The following GPAA1 variants were observed in gnomAD, a reference collection of about 807,000 sequenced individuals.
GPAA1 encodes the protein GPI-anchor transamidase component GPAA1.
GPAA1 carries 54 observed loss-of-function variants against 64.0 expected under a neutral mutation model. The ratio of observed to expected loss-of-function variants is 0.84; its 90% CI spans 0.68 to 1.06. The LOEUF (loss-of-function observed/expected upper bound fraction) is 1.06, where lower values mean the gene tolerates loss of function less well. Among genes scored for constraint, GPAA1 ranks in the 50% least tolerant of loss-of-function variants. The pLI is 0.00. For missense variants in GPAA1, 780 were observed against 822.3 expected (o/e 0.95, Z 0.63); for synonymous variants, 393 against 377.3 (o/e 1.04, Z -0.48).
In GPAA1 at chr8:144,084,208, G is replaced by A; in HGVS notation, c.691G>A (p.Val231Met). 1.2e-6 allele frequency: 2 copies of A among 1,613,702 alleles called. No individual in the cohort carries two copies. Among genetic ancestry groups the A allele is most frequent in the South Asian group, 1.1e-5 (1 of 91,088 alleles). ...AAVALELSSDVVTSLDVAVEG... is the reference protein window; with the variant it reads ...AAVALELSSDMVTSLDVAVEG... ...CGTGGCCCTGGAGCTGAGCAGTGATGTGGTCACCAGCCTCGATGTGGCCGT... is the reference window on the plus strand; with the variant it reads ...CGTGGCCCTGGAGCTGAGCAGTGATATGGTCACCAGCCTCGATGTGGCCGT... Residue 231 changes from valine (V) to methionine (M), a missense_variant, in exon 6 of 12, where the codon GTG (valine) becomes ATG (methionine). Coordinates refer to ENST00000355091, the MANE Select transcript of GPAA1 (RefSeq NM_003801.4).
At position 144,084,846 on chromosome 8, in the gene GPAA1, G is replaced by T; in HGVS notation, c.1135G>T (p.Gly379Cys). The change falls in exon 8 of 12, where the codon GGC becomes TGC. Residue 379 changes from glycine (G) to cysteine (C), a missense_variant. Transcript: ENST00000355091. ...VSIGLYMPAV[G>C]FLLLVLGLKA... ...CATCGGCCTCTACATGCCCGCTGTC[G>T]GCTTCTTGCTCCTGGTCCTTGGTCT... The T allele has an allele frequency of 6.2e-7, 1 of 1,613,532 alleles. No individual in the cohort carries two copies. The highest frequency in any genetic ancestry group is 1.3e-5 in the African/African-American group (1 of 75,016).
intron 4 of GPAA1, 33 bp from the exon 5 acceptor site, chr8:144,083,906 C>G: frequency 3.1e-6 from 5 of 1,612,524 alleles, no homozygotes; most frequent in Non-Finnish European, 4.2e-6. Context: ...GGTCAGTGCC[C>G]CAGACCCTGC....
At position 144,083,149 on chromosome 8, in the gene GPAA1, G is replaced by T. The variant is rs1554763755; in HGVS notation, c.100G>T (p.Ala34Ser). 6.2e-7 allele frequency: 1 copy of T among 1,612,376 alleles called. No individual in the cohort carries two copies. The highest frequency in any genetic ancestry group is 1.1e-5 in the South Asian group (1 of 91,040). The change falls in exon 2 of 12, where the codon GCC (alanine) becomes TCC (serine). Residue 34 changes from alanine (A) to serine (S), a missense_variant. Transcript: ENST00000355091. Reference sequence around the variant, plus strand: ...CGTGCTGAGCTACGTGGCGGGCATCGCCTGGTTCTTGGCGCTGGTTTTCCC... The same window carrying T: ...CGTGCTGAGCTACGTGGCGGGCATCTCCTGGTTCTTGGCGCTGGTTTTCCC... ...LCVLSYVAGI[A>S]WFLALVFPPL...
In GPAA1 at chr8:144,084,030, C is replaced by G. The variant is rs1554763953; in HGVS notation, c.606C>G (p.Val202=). Residue 202 remains valine, a synonymous_variant, in exon 5 of 12, where the codon GTC becomes GTG. Coordinates refer to ENST00000355091, the MANE Select transcript of GPAA1 (RefSeq NM_003801.4). The part of the protein sequence containing the change: ...TEAWLEAYHD[V]NVTGMQSSPL... ...CTTGGCTTGAAGCCTACCACGATGT[C>G]AATGTCACTGGTAGGTTCTCTTGTC... The G allele has an allele frequency of 6.2e-7, 1 of 1,612,336 alleles. No individual in the cohort carries two copies.
rs782016074 is a variant in GPAA1 at position 144,084,183 on chromosome 8, C to T, written c.666C>T (p.Ala222=). 9.9e-6 allele frequency: 16 copies of T among 1,613,166 alleles called. No individual in the cohort carries two copies. The highest frequency in any genetic ancestry group is 5.3e-5 in the African/African-American group (4 of 74,786). The change falls in exon 6 of 12, where the codon GCC becomes GCT. Residue 222 remains alanine, a synonymous_variant. Coordinates refer to ENST00000355091, the MANE Select transcript of GPAA1 (RefSeq NM_003801.4). ...GCCGAGCTGGGGCCATTCAGGCAGC[C>T]GTGGCCCTGGAGCTGAGCAGTGATG... The part of the protein sequence containing the change: ...LQGRAGAIQA[A]VALELSSDVV...
At position 144,084,965 on chromosome 8, in the gene GPAA1, G is replaced by A. The variant is rs1554764137; in HGVS notation, c.1165-78G>A. The A allele has an allele frequency of 9.6e-6, 15 of 1,561,082 alleles. No homozygotes were observed. The South Asian group carries it at 1.6e-4, about 17-fold the overall frequency. ...AGAGTCTTCCATCCTGATGGGGGGT[G>A]GGGTACGGGGGTGAGCCCTGGGTCC... On this transcript the variant is annotated intron_variant, in intron 8 of 11. Transcript: ENST00000355091.
Position 144,085,917 on chromosome 8 carries a change from C to T in GPAA1, c.1658C>T (p.Pro553Leu), listed in dbSNP as rs372282426. 5.1e-5 allele frequency: 82 copies of T among 1,609,218 alleles called. No homozygotes were observed. The highest frequency in any genetic ancestry group is 6.4e-5 in the Non-Finnish European group (75 of 1,179,036). ...LYAALLVLTS[P>L]AATLLGSLFL... Reference sequence around the variant, plus strand: ...GCTGCCCTGCTGGTGCTGACCAGCCCGGCAGCCACGCTCCTTGGCAGCCTG... The same window carrying T: ...GCTGCCCTGCTGGTGCTGACCAGCCTGGCAGCCACGCTCCTTGGCAGCCTG... The change falls in exon 12 of 12, where the codon CCG (proline) becomes CTG (leucine). Residue 553 changes from proline (P) to leucine (L), a missense_variant. Transcript: ENST00000355091.
At chr8:144,085,008 G>A (rs782261568) in intron 8 of GPAA1, 35 bp from the exon 9 acceptor site, 8 of 1,581,014 alleles carry the variant, frequency 5.1e-6, no homozygotes, top group African/African-American at 2.7e-5. Context: ...GGCAGATCCC[G>A]TTACACCTCT....
rs781830698 is a variant in GPAA1, at chr8:144,084,828, C to G, written c.1117C>G (p.Leu373Val). 1 of 1,613,754 alleles carries G rather than the reference C, an allele frequency of 6.2e-7. No homozygotes were observed. The highest frequency in any genetic ancestry group is 1.1e-5 in the South Asian group (1 of 91,088). The change falls in exon 8 of 12, where the codon CTC (leucine) becomes GTC (valine). Residue 373 changes from leucine to valine, a missense_variant. Leu to Val is a conservative substitution (Grantham distance 32). Coordinates refer to ENST00000355091, the MANE Select transcript of GPAA1 (RefSeq NM_003801.4). ...PGLSRFVSIG[L>V]YMPAVGFLLL... Reference sequence around the variant, plus strand: ...CCTCTCCCGCTTCGTCTCCATCGGCCTCTACATGCCCGCTGTCGGCTTCTT... The same window carrying G: ...CCTCTCCCGCTTCGTCTCCATCGGCGTCTACATGCCCGCTGTCGGCTTCTT...
In GPAA1 at chr8:144,084,301, G is replaced by A. The variant is rs1208036073; in HGVS notation, c.784G>A (p.Gly262Arg). The change falls in exon 6 of 12, where the codon GGG (glycine) becomes AGG (arginine). Residue 262 changes from glycine to arginine, a missense_variant. Coordinates refer to ENST00000355091, the MANE Select transcript of GPAA1 (RefSeq NM_003801.4). ...LNLFQTFCQK[G>R]GLLCTLQGKL... ...TCTCTTCCAGACCTTCTGCCAGAAA[G>A]GGGGCCTGTTGTGCACGCTTCAGGG... 7 of 1,613,694 alleles carry A rather than the reference G, an allele frequency of 4.3e-6. No individual in the cohort carries two copies. Among genetic ancestry groups the A allele is most frequent in the Non-Finnish European group, 5.9e-6 (7 of 1,180,018 alleles).
chr8:144,084,949 C>A, intron 8 of GPAA1, 74 bp downstream of exon 8: 1 of 1,580,968 alleles, frequency 6.3e-7, no homozygotes, highest in Non-Finnish European at 8.7e-7. Flanking sequence ...GAGAGTCTTC[C>A]ATCCTGATGG....
In GPAA1 at chr8:144,084,622, T is replaced by C; in HGVS notation, c.1010+13T>C. On this transcript the variant is annotated intron_variant, in intron 7 of 11. Coordinates refer to ENST00000355091, the MANE Select transcript of GPAA1 (RefSeq NM_003801.4). Reference sequence around the variant, plus strand: ...TGGCAGTGGGCAAGTAAGTAGTCTCTGGTCCCCCCTTTCCATGCCCAGGAT... The same window carrying C: ...TGGCAGTGGGCAAGTAAGTAGTCTCCGGTCCCCCCTTTCCATGCCCAGGAT... 1 of 1,608,232 alleles carries C rather than the reference T, an allele frequency of 6.2e-7. No individual in the cohort carries two copies. Among genetic ancestry groups the C allele is most frequent in the Non-Finnish European group, 8.5e-7 (1 of 1,175,456 alleles).
chr8:144,085,462 G>C lies in GPAA1; in HGVS notation c.1434G>C (p.Leu478=). Residue 478 remains leucine (L), a synonymous_variant, in exon 10 of 12, where the codon CTG becomes CTC. Coordinates refer to ENST00000355091, the MANE Select transcript of GPAA1 (RefSeq NM_003801.4). ...LLAIYAAGLA[L]PHNTHRVVST... ...CGATTTATGCAGCTGGCCTGGCCCT[G>C]CCCCACAATACCCACCGGTAAGAGG... 1 of 1,603,924 alleles carries C rather than the reference G, an allele frequency of 6.2e-7. No individual in the cohort carries two copies. Among genetic ancestry groups the C allele is most frequent in the Non-Finnish European group, 8.5e-7 (1 of 1,179,892 alleles).
chr8:144,085,193 T>C (rs1835977110), intron 9 of GPAA1, 55 bp downstream of exon 9: 5 of 1,460,950 alleles, frequency 3.4e-6, no homozygotes, highest in Admixed American at 2.0e-5. Context: ...GACTGGTGTT[T>C]AGTGTTGCAA....
At chr8:144,082,884 G>A in intron 1 of GPAA1, 80 bp downstream of exon 1, 2 of 1,163,116 alleles carry the variant, frequency 1.7e-6, no homozygotes, top group Non-Finnish European at 2.3e-6. Flanking sequence ...CCCCATCGAG[G>A]GCCGGGGCCG....
In GPAA1 at chr8:144,083,159, TG is replaced by T; in HGVS notation, c.112del (p.Ala38ArgfsTer7). 6.2e-7 allele frequency: 1 copy of T among 1,612,634 alleles called. No homozygotes were observed. The highest frequency in any genetic ancestry group is 1.1e-5 in the South Asian group (1 of 91,052). On this transcript the variant is annotated frameshift_variant, in exon 2 of 12. Coordinates refer to ENST00000355091, the MANE Select transcript of GPAA1 (RefSeq NM_003801.4). LOFTEE classifies it high-confidence loss of function. ...TACGTGGCGGGCATCGCCTGGTTCTTGGCGCTGGTTTTCCCGCCGCTGACCC... is the reference window on the plus strand; with the variant it reads ...TACGTGGCGGGCATCGCCTGGTTCTTGCGCTGGTTTTCCCGCCGCTGACCC... ...LSYVAGIAWF[L>X]ALVFPPLTQR...
intron 6 of GPAA1, 32 bp from the exon 7 acceptor site, chr8:144,084,381 G>A: frequency 6.2e-7 from 1 of 1,610,440 alleles, no homozygotes; most frequent in Non-Finnish European, 8.5e-7. Flanking sequence ...TCTGTGGGAG[G>A]GGCTGTCTCA....
At position 144,084,471 on chromosome 8, in the gene GPAA1, T is replaced by C. The variant is rs1010907740; in HGVS notation, c.872T>C (p.Leu291Pro). 6.2e-7 allele frequency: 1 copy of C among 1,613,382 alleles called. No individual in the cohort carries two copies. The highest frequency in any genetic ancestry group is 1.7e-5 in the Admixed American group (1 of 60,036). ...DGPLQGLQTL[L>P]LMVLRQASGR... ...CCGCTGCAGGGCCTGCAGACACTGCTGCTCATGGTTCTGCGGCAGGCCTCC... is the reference window on the plus strand; with the variant it reads ...CCGCTGCAGGGCCTGCAGACACTGCCGCTCATGGTTCTGCGGCAGGCCTCC... Residue 291 changes from leucine to proline, a missense_variant, in exon 7 of 12, where the codon CTG (leucine) becomes CCG (proline). Coordinates refer to ENST00000355091, the MANE Select transcript of GPAA1 (RefSeq NM_003801.4).
chr8:144,082,917 G>A (rs1227925326), intron 1 of GPAA1, 113 bp downstream of exon 1: 2 of 961,440 alleles, frequency 2.1e-6, no homozygotes, highest in Non-Finnish European at 2.9e-6. Flanking sequence ...GCGCCCCTCC[G>A]GCTGCTCGCG....
Sources: gnomAD v4.1 joint callset for allele counts on GRCh38, gnomAD v4.1.1 for gene constraint, MANE v1.5 for transcripts, NCBI Gene and HGNC (gene_info 2026-07-23, HGNC 2026-07-21) for gene names.